The following DOCK8 variants were observed in gnomAD, a reference collection of about 807,000 sequenced individuals.
DOCK8 encodes dedicator of cytokinesis protein 8.
In DOCK8, 141 loss-of-function variants were observed where a neutral mutation model predicts 245.6. The ratio of observed to expected loss-of-function variants is 0.57; its 90% CI spans 0.50 to 0.66. The LOEUF (loss-of-function observed/expected upper bound fraction) is 0.66, where lower values mean the gene tolerates loss of function less well. Among genes scored for constraint, DOCK8 ranks in the 30% least tolerant of loss-of-function variants. The pLI, the probability that DOCK8 is intolerant of heterozygous loss-of-function variation, is 0.00. For missense variants in DOCK8, 2,965 were observed against 2,603.4 expected (o/e 1.14, Z -3.02); for synonymous variants, 1,168 against 970.2 (o/e 1.20, Z -3.79).
chr9:311,744 C>G (rs892754582), intron 5 of DOCK8, among the ~76,000 whole-genome samples: 4 of 152,174 alleles, frequency 2.6e-5, no homozygotes, highest in African/African-American at 9.7e-5. Context: ...TACCTGCTTC[C>G]AGGTGAGAAG....
At chr9:308,709 G>C (rs1162754574) in intron 5 of DOCK8, among the ~76,000 whole-genome samples, 1 of 152,152 alleles carries the variant, frequency 6.6e-6, no homozygotes, top group Non-Finnish European at 1.5e-5. Flanking sequence ...CTAGGCTGGA[G>C]TGCAGTGGCA....
At chr9:338,762 A>C (rs1261549432) in intron 12 of DOCK8, among the ~76,000 whole-genome samples, 1 of 152,224 alleles carries the variant, frequency 6.6e-6, no homozygotes, top group Non-Finnish European at 1.5e-5. Flanking sequence ...GGGCTTCCTT[A>C]GAATGCAGCA....
intron 4 of DOCK8, among the ~76,000 whole-genome samples, chr9:292,784 A>G (rs1009089099): frequency 6.6e-6 from 1 of 152,048 alleles, no homozygotes; most frequent in South Asian, 2.1e-4. Flanking sequence ...CTATATTAAT[A>G]TTTTTCCTTA....
intron 5 of DOCK8, among the ~76,000 whole-genome samples, chr9:305,368 C>T (rs926187755): frequency 9.9e-5 from 15 of 151,908 alleles, no homozygotes; most frequent in Admixed American, 2.6e-4. Flanking sequence ...CTGCAAGCTC[C>T]GCCTCCCGGG....
chr9:403,673 G>C (rs1368081342), intron 26 of DOCK8, among the ~76,000 whole-genome samples: 2 of 151,596 alleles, frequency 1.3e-5, no homozygotes, highest in East Asian at 1.9e-4. Context: ...AGACCAGCTT[G>C]GCCAATATGG....
intron 25 of DOCK8, 33 bp from the exon 26 acceptor site, chr9:399,111 CCA>C: frequency 6.3e-7 from 1 of 1,591,584 alleles, no homozygotes; most frequent in Non-Finnish European, 8.6e-7. Context: ...CCAGAGTGTC[CCA>C]CAAAATGATT....
chr9:431,162 T>G (rs997735982), intron 36 of DOCK8, among the ~76,000 whole-genome samples: 4 of 152,122 alleles, frequency 2.6e-5, no homozygotes, highest in Admixed American at 1.3e-4. Context: ...GCATGAGCCA[T>G]CCTGCCTAGC....
intron 3 of DOCK8, among the ~76,000 whole-genome samples, chr9:289,037 A>C (rs1398239093): frequency 6.6e-6 from 1 of 152,224 alleles, no homozygotes; most frequent in East Asian, 1.9e-4. Context: ...ATGATCACCA[A>C]CAAAAGCCAG....
intron 26 of DOCK8, among the ~76,000 whole-genome samples, chr9:400,995 C>CCACCACCACCACCACCACCTCCACCAT (rs2055052725): frequency 1.8e-5 from 1 of 54,636 alleles, no homozygotes; most frequent in Non-Finnish European, 2.9e-5. Flanking sequence ...TCCTCCACCA[C>CCACCACCACCACCACCACCTCCACCAT]CACCACCATT....
Position 465,213 on chromosome 9 carries a change from A to G in DOCK8, c.*994A>G, listed in dbSNP as rs975764813. 6.6e-6 allele frequency: 1 copy of G among 152,658 alleles called. No individual in the cohort carries two copies. The highest frequency in any genetic ancestry group is 2.4e-5 in the African/African-American group (1 of 41,466). 9.5% of individuals were successfully genotyped at this position (152,658 alleles called of 1,614,324 possible). On this transcript the variant is annotated 3_prime_UTR_variant, in exon 48 of 48. Transcript: ENST00000432829. Reference sequence around the variant, plus strand: ...ATTATATATTTTTAATATGACTGTGACCTTGACTGATAATAAAGATGTAAT... The same window carrying G: ...ATTATATATTTTTAATATGACTGTGGCCTTGACTGATAATAAAGATGTAAT...
chr9:279,413 T>C lies in DOCK8; in HGVS notation c.157-7048T>C, dbSNP rs968063594. ...AAGCCATGGGAGTGAATGAGTTCAT[T>C]TGAGATTGAATGCAGATTGAGAAGA... On this transcript the variant is annotated intron_variant, in intron 2 of 47. Transcript: ENST00000432829. Among the ~76,000 whole-genome samples, 7 of 152,154 alleles carry C rather than the reference T, an allele frequency of 4.6e-5. 1 individual carries two copies. Among genetic ancestry groups the C allele is most frequent in the Non-Finnish European group, 7.3e-5 (5 of 68,032 alleles).
chr9:424,701 C>T (rs1447608591), intron 33 of DOCK8, among the ~76,000 whole-genome samples: 13 of 152,042 alleles, frequency 8.6e-5, no homozygotes, highest in South Asian at 2.1e-4. Context: ...TGAGCCACTG[C>T]GCCTGGTCAG....
chr9:421,782 T>A (rs575354542), intron 32 of DOCK8, among the ~76,000 whole-genome samples: 3 of 152,096 alleles, frequency 2.0e-5, no homozygotes, highest in African/African-American at 7.2e-5. Flanking sequence ...GCCCCCAGAG[T>A]TTCACAGGAA....
At chr9:393,224 G>C (rs115435967) in intron 24 of DOCK8, among the ~76,000 whole-genome samples, 1 of 151,310 alleles carries the variant, frequency 6.6e-6, no homozygotes, top group African/African-American at 2.4e-5. Flanking sequence ...GTGGTTCCAT[G>C]TGGCATCTTA....
At chr9:370,347 AT>A in intron 16 of DOCK8, 47 bp downstream of exon 16, 1 of 1,571,790 alleles carries the variant, frequency 6.4e-7, no homozygotes, top group Non-Finnish European at 8.8e-7. Context: ...TGGTTTCATC[AT>A]CTCCTGGTTT....
intron 39 of DOCK8, among the ~76,000 whole-genome samples, chr9:435,714 G>A (rs893111048): frequency 2.0e-5 from 3 of 152,200 alleles, no homozygotes; most frequent in Non-Finnish European, 4.4e-5. Context: ...TTGGCAAAGG[G>A]AAATTGTCTG....
chr9:359,171 C>T (rs550441516), intron 14 of DOCK8, among the ~76,000 whole-genome samples: 2 of 152,196 alleles, frequency 1.3e-5, no homozygotes, highest in Admixed American at 1.3e-4. Flanking sequence ...TTTTAGCTCA[C>T]TCAGAAAAAC....
chr9:318,484 G>T (rs2050444558), intron 7 of DOCK8, among the ~76,000 whole-genome samples: 1 of 152,192 alleles, frequency 6.6e-6, no homozygotes, highest in South Asian at 2.1e-4. Flanking sequence ...AAACTTCTAT[G>T]ATTCTAACGC....
At chr9:239,764 T>G (rs1295240767) in intron 1 of DOCK8, among the ~76,000 whole-genome samples, 1 of 152,210 alleles carries the variant, frequency 6.6e-6, no homozygotes, top group Non-Finnish European at 1.5e-5. Context: ...CACACATACA[T>G]ACATACTTCT....
Sources: allele counts gnomAD v4.1 joint callset (sites outside exome capture counted in the v4.1 genomes callset), GRCh38; gene constraint gnomAD v4.1.1; transcripts MANE v1.5; gene names NCBI Gene and HGNC (gene_info 2026-07-23, HGNC 2026-07-21).